The following CPSF2 variants were observed in gnomAD, a reference collection of about 807,000 sequenced individuals.
CPSF2 encodes the protein cleavage and polyadenylation specificity factor subunit 2.
CPSF2 carries 51 observed loss-of-function variants against 84.2 expected under a neutral mutation model. That is an observed-to-expected ratio of 0.61 (90% confidence interval 0.48 to 0.77). The LOEUF is 0.77. Among genes scored for constraint, CPSF2 ranks in the 30% least tolerant of loss-of-function variants. The probability of loss-of-function intolerance (pLI) is 0.00; values close to 1 mark genes in which losing one functional copy is unlikely to be tolerated. For synonymous variants in CPSF2, 286 were observed against 311.9 expected, an observed-to-expected ratio of 0.92 and a Z score of 0.87; for missense variants, 641 against 929.4, an observed-to-expected ratio of 0.69 and a Z score of 4.03.
At chr14:92,132,106 C>T (rs1326653084) in intron 3 of CPSF2, among the ~76,000 whole-genome samples, 1 of 152,020 alleles carries the variant, frequency 6.6e-6, no homozygotes, top group Non-Finnish European at 1.5e-5. Flanking sequence ...AATATCCTCT[C>T]CTTAATAATT....
chr14:92,145,081 C>G (rs943044146), intron 9 of CPSF2, among the ~76,000 whole-genome samples: 4 of 152,210 alleles, frequency 2.6e-5, no homozygotes, highest in African/African-American at 9.6e-5. Context: ...ATTAGTATAT[C>G]ATTAAAGTTT....
chr14:92,134,274 A>G lies in CPSF2; in HGVS notation c.334A>G (p.Thr112Ala), dbSNP rs2068971634. 6.2e-7 allele frequency: 1 copy of G among 1,613,440 alleles called. No homozygotes were observed. Reference sequence around the variant, plus strand: ...GTCTCGACACAATACAGAAGATTTTACACTCTTTACATTAGATGATGTGGA... The same window carrying G: ...GTCTCGACACAATACAGAAGATTTTGCACTCTTTACATTAGATGATGTGGA... Reference protein sequence around the residue: ...YQSRHNTEDFTLFTLDDVDAA... With the variant: ...YQSRHNTEDFALFTLDDVDAA... Residue 112 changes from threonine (T) to alanine (A), a missense_variant, in exon 5 of 16, where the codon ACA becomes GCA. Physicochemically the swap from Thr to Ala is moderately conservative, Grantham distance 58. Coordinates refer to ENST00000298875, the MANE Select transcript of CPSF2 (RefSeq NM_017437.3).
chr14:92,134,712 A>G (rs887548456), intron 5 of CPSF2, among the ~76,000 whole-genome samples: 1 of 152,234 alleles, frequency 6.6e-6, no homozygotes, highest in African/African-American at 2.4e-5. Flanking sequence ...TGATTGGGGT[A>G]AATGAAGTGC....
rs55753639 is a variant in CPSF2, at chr14:92,137,020, TA to T, written c.546-1201del. On this transcript the variant is annotated intron_variant, in intron 6 of 15. Transcript: ENST00000298875. ...AGGTTCAAATGTCTGAAACAACAAA[TA>T]AAAAAAAAAATCAAAGTAGGAAAAT... Among the ~76,000 whole-genome samples, 617 of 143,962 alleles carry T rather than the reference TA, an allele frequency of 4.3e-3. 3 individuals carry two copies. Among genetic ancestry groups the T allele is most frequent in the African/African-American group, 9.7e-3 (381 of 39,300 alleles). The allele number at this position is 143,962 out of a possible 152,430, so 94.4% of individuals were successfully genotyped here.
At chr14:92,135,238 C>T in intron 5 of CPSF2, 129 bp from the exon 6 acceptor site, 1 of 754,630 alleles carries the variant, frequency 1.3e-6, no homozygotes, top group Non-Finnish European at 2.0e-6. Context: ...TCACTATATG[C>T]ATTTTTACTT....
intron 9 of CPSF2, among the ~76,000 whole-genome samples, chr14:92,147,937 C>T (rs1475803904): frequency 6.6e-6 from 1 of 152,224 alleles, no homozygotes; most frequent in Admixed American, 6.5e-5. Flanking sequence ...GTTGCCCAAG[C>T]TGGTCTTGAA....
In CPSF2 at chr14:92,164,533, G is replaced by A. The variant is rs182553871; in HGVS notation, c.*2789G>A. 6.6e-6 allele frequency: 1 copy of A among 152,360 alleles called. No homozygotes were observed. Among genetic ancestry groups the A allele is most frequent in the African/African-American group, 2.4e-5 (1 of 41,580 alleles). The allele number at this position is 152,360 out of a possible 1,614,324, so 9.4% of individuals were successfully genotyped here. The stretch of plus-strand genomic sequence containing the variant: ...GCGCGTTCAGGGTGGTATGACTGTA[G>A]ACGGAATTTTCAGATCTTTGTTATT... On this transcript the variant is annotated 3_prime_UTR_variant, in exon 16 of 16. Coordinates refer to ENST00000298875, the MANE Select transcript of CPSF2 (RefSeq NM_017437.3).
chr14:92,156,472 T>C lies in CPSF2; in HGVS notation c.1443-7T>C. ...TTACTGCTTCTAATTAGAGACTTATTATTTAGACCAGAGGATTTCTTAGTG... is the reference window on the plus strand; with the variant it reads ...TTACTGCTTCTAATTAGAGACTTATCATTTAGACCAGAGGATTTCTTAGTG... On this transcript the variant is annotated splice_region_variant and splice_polypyrimidine_tract_variant and intron_variant, in intron 11 of 15. Coordinates refer to ENST00000298875, the MANE Select transcript of CPSF2 (RefSeq NM_017437.3). 1 of 1,604,992 alleles carries C rather than the reference T, an allele frequency of 6.2e-7. No homozygotes were observed. The highest frequency in any genetic ancestry group is 8.5e-7 in the Non-Finnish European group (1 of 1,177,538).
intron 14 of CPSF2, among the ~76,000 whole-genome samples, chr14:92,159,563 A>C (rs936394802): frequency 2.0e-5 from 3 of 152,082 alleles, no homozygotes; most frequent in Non-Finnish European, 2.9e-5. Flanking sequence ...GGTGGCATGC[A>C]CCTGTAATCT....
At chr14:92,152,010 C>CA (rs60631190) in intron 9 of CPSF2, among the ~76,000 whole-genome samples, 1 of 140,538 alleles carries the variant, frequency 7.1e-6, no homozygotes, top group Non-Finnish European at 1.6e-5. Context: ...GACCCTGTCT[C>CA]AAAAAAAAAA....
rs2069399434 is a variant in CPSF2 at position 92,163,313 on chromosome 14, CTATTG to C, written c.*1572_*1576del. The stretch of plus-strand genomic sequence containing the variant: ...TCTATTTCAAATGCTTATAAAGCTA[CTATTG>C]TAGATTATAGTGTTAATGCAAAGTT... On this transcript the variant is annotated 3_prime_UTR_variant, in exon 16 of 16. Coordinates refer to ENST00000298875, the MANE Select transcript of CPSF2 (RefSeq NM_017437.3). 1 of 152,488 alleles carries C rather than the reference CTATTG, an allele frequency of 6.6e-6. No homozygotes were observed. Among genetic ancestry groups the C allele is most frequent in the South Asian group, 2.1e-4 (1 of 4,818 alleles). 9.4% of individuals were successfully genotyped at this position (152,488 alleles called of 1,614,324 possible).
At position 92,161,179 on chromosome 14, in the gene CPSF2, G is replaced by A. The variant is rs998257533; in HGVS notation, c.2189G>A (p.Arg730Gln). 6.2e-6 allele frequency: 10 copies of A among 1,613,782 alleles called. No individual in the cohort carries two copies. The highest frequency in any genetic ancestry group is 5.9e-6 in the Non-Finnish European group (7 of 1,179,908). Residue 730 changes from arginine to glutamine, a missense_variant, in exon 15 of 16, where the codon CGG (arginine) becomes CAG (glutamine). Arg to Gln is a conservative substitution (Grantham distance 43). Around this residue, in one of 2 missense-constraint regions of CPSF2, gnomAD observed 430 missense variants for 553.6 expected, o/e 0.78. Transcript: ENST00000298875. ...TCAGACTTCAAGCAAGTTCTCTTACGGGAGGGGATTCAAGCTGAATTTGTA... is the reference window on the plus strand; with the variant it reads ...TCAGACTTCAAGCAAGTTCTCTTACAGGAGGGGATTCAAGCTGAATTTGTA... Reference protein sequence around the residue: ...RLSDFKQVLLREGIQAEFVGG... With the variant: ...RLSDFKQVLLQEGIQAEFVGG...
At position 92,168,683 on chromosome 14, in the gene CPSF2, C is replaced by T. The variant is rs1193966200; in HGVS notation, c.*6939C>T. On this transcript the variant is annotated 3_prime_UTR_variant, in exon 16 of 16. Coordinates refer to ENST00000298875, the MANE Select transcript of CPSF2 (RefSeq NM_017437.3). ...TTGGGAGGCCAAGGCAGGCATACTG[C>T]TTGAACTCAGGAGTTCAAGACCAGC... is the stretch of plus-strand genomic sequence containing the variant. The T allele has an allele frequency of 6.6e-6, 1 of 152,156 alleles. No homozygotes were observed. The highest frequency in any genetic ancestry group is 1.9e-4 in the East Asian group (1 of 5,182). 9.4% of individuals were successfully genotyped at this position (152,156 alleles called of 1,614,324 possible). A position where few individuals can be genotyped will look rare whatever the true frequency, so the allele number is the denominator to read the frequency against.
At chr14:92,153,842 A>G (rs2069252704) in intron 9 of CPSF2, among the ~76,000 whole-genome samples, 1 of 150,834 alleles carries the variant, frequency 6.6e-6, no homozygotes, top group Non-Finnish European at 1.5e-5. Flanking sequence ...AGCGGGGACA[A>G]CAGGCACATG....
In CPSF2 at chr14:92,131,101, C is replaced by A; in HGVS notation, c.117C>A (p.His39Gln). ...TATTGGACTGTGGCTGGGATGAGCA[C>A]TTTTCTATGGATATTATTGATTCCC... The part of the protein sequence containing the change: ...RFLLDCGWDE[H>Q]FSMDIIDSLR... The change falls in exon 3 of 16, where the codon CAC becomes CAA. Residue 39 changes from histidine (H) to glutamine (Q), a missense_variant. Physicochemically the swap from His to Gln is conservative, Grantham distance 24 (BLOSUM62 0). This residue lies in a region of CPSF2 where 211 missense variants were observed against 375.7 expected (regional missense o/e 0.56). Coordinates refer to ENST00000298875, the MANE Select transcript of CPSF2 (RefSeq NM_017437.3). 6.2e-7 allele frequency: 1 copy of A among 1,611,148 alleles called. No individual in the cohort carries two copies. Among genetic ancestry groups the A allele is most frequent in the Non-Finnish European group, 8.5e-7 (1 of 1,178,952 alleles).
chr14:92,159,172 A>G lies in CPSF2; in HGVS notation c.2011A>G (p.Ser671Gly), dbSNP rs756904086. The G allele has an allele frequency of 5.0e-6, 8 of 1,614,164 alleles. No individual in the cohort carries two copies. The South Asian group carries it at 8.8e-5, about 18-fold the overall frequency. The change falls in exon 14 of 16, where the codon AGC becomes GGC. Residue 671 changes from serine (S) to glycine (G), a missense_variant. Ser to Gly is a moderately conservative substitution (Grantham distance 56). Around this residue, in one of 2 missense-constraint regions of CPSF2, gnomAD observed 430 missense variants for 553.6 expected, o/e 0.78. Transcript: ENST00000298875. The part of the protein sequence containing the change: ...EMQVEAPSDS[S>G]VIAQQKAMKS... The stretch of plus-strand genomic sequence containing the variant: ...GCAAGTGGAAGCTCCCTCAGATTCT[A>G]GCGTTATAGCACAACAAAAGGCCAT...
intron 5 of CPSF2, among the ~76,000 whole-genome samples, chr14:92,135,068 A>G (rs1280465446): frequency 2.6e-5 from 4 of 152,224 alleles, no homozygotes; most frequent in Non-Finnish European, 5.9e-5. Flanking sequence ...TTGCTAGTTC[A>G]TACTAAATAA....
Position 92,161,108 on chromosome 14 carries a change from T to C in CPSF2, c.2122-4T>C. 6.2e-7 allele frequency: 1 copy of C among 1,613,502 alleles called. No individual in the cohort carries two copies. The highest frequency in any genetic ancestry group is 8.5e-7 in the Non-Finnish European group (1 of 1,179,724). On this transcript the variant is annotated splice_region_variant and splice_polypyrimidine_tract_variant and intron_variant, in intron 14 of 15. Coordinates refer to ENST00000298875, the MANE Select transcript of CPSF2 (RefSeq NM_017437.3). ...TTATTCTTTCCCCTTTGACCTTATC[T>C]AAGGTTCCTGGACATCAGTCAGTTT...
intron 9 of CPSF2, among the ~76,000 whole-genome samples, chr14:92,146,347 C>G (rs1185500218): frequency 6.6e-6 from 1 of 152,038 alleles, no homozygotes; most frequent in African/African-American, 2.4e-5. Context: ...AAGTGAAACC[C>G]TGTCTCTACT....
Sources: gnomAD v4.1 joint callset for allele counts (sites outside exome capture counted in the v4.1 genomes callset) on GRCh38, gnomAD v4.1.1 for gene constraint, gnomAD v4.1.1 regional missense constraint, MANE v1.5 for transcripts, NCBI Gene and HGNC (gene_info 2026-07-23, HGNC 2026-07-21) for gene names.